The following AFF3 variants were observed in gnomAD, a reference collection of about 807,000 sequenced individuals.
AFF3 encodes the protein AF4/FMR2 family member 3.
In AFF3, 32 loss-of-function variants were observed where a neutral mutation model predicts 129.7. That is an observed-to-expected ratio of 0.25 (90% CI 0.19 to 0.33). The LOEUF is 0.33. Among genes scored for constraint, AFF3 ranks in the 10% least tolerant of loss-of-function variants. The pLI, the probability that AFF3 is intolerant of heterozygous loss-of-function variation, is 1.00. For missense variants in AFF3, 1,373 were observed against 1,592.0 expected (o/e 0.86, Z 2.34); for synonymous variants, 644 against 635.4 (o/e 1.01, Z -0.20).
intron 7 of AFF3, among the ~76,000 whole-genome samples, chr2:99,952,948 T>TACTTACTC (rs1676301051): frequency 6.6e-6 from 1 of 152,212 alleles, no homozygotes; most frequent in South Asian, 2.1e-4. Flanking sequence ...TACAGTGCTG[T>TACTTACTC]ACTTACTCCG....
chr2:99,828,041 A>G (rs1688224648), intron 8 of AFF3, among the ~76,000 whole-genome samples: 1 of 152,108 alleles, frequency 6.6e-6, no homozygotes, highest in African/African-American at 2.4e-5. Context: ...GGCATTCCCA[A>G]TGGGCACCTT....
At chr2:100,127,368 C>T (rs1201259259) in intron 2 of AFF3, among the ~76,000 whole-genome samples, 1 of 152,170 alleles carries the variant, frequency 6.6e-6, no homozygotes, top group African/African-American at 2.4e-5. Flanking sequence ...GGGTGAAGGT[C>T]ATTCCCCTTT....
chr2:99,773,126 T>G (rs1168399257), intron 8 of AFF3, among the ~76,000 whole-genome samples: 2 of 152,188 alleles, frequency 1.3e-5, no homozygotes, highest in Admixed American at 1.3e-4. Flanking sequence ...CTCACACTGT[T>G]CAGGAAACAC....
intron 11 of AFF3, among the ~76,000 whole-genome samples, chr2:99,696,348 T>A (rs2104725442): frequency 6.6e-6 from 1 of 152,342 alleles, no homozygotes; most frequent in Non-Finnish European, 1.5e-5. Context: ...CAGAAATCAT[T>A]GCATCTCAGC....
At chr2:99,837,064 T>C (rs1688935789) in intron 8 of AFF3, among the ~76,000 whole-genome samples, 1 of 152,180 alleles carries the variant, frequency 6.6e-6, no homozygotes, top group Non-Finnish European at 1.5e-5. Flanking sequence ...GAACATTACC[T>C]CTTTGTCAAG....
At position 99,917,687 on chromosome 2, in the gene AFF3, A is replaced by AT. The variant is rs1181035922; in HGVS notation, c.874-80164dup. On this transcript the variant is annotated intron_variant, in intron 7 of 24. Coordinates refer to ENST00000672756, the MANE Select transcript of AFF3 (RefSeq NM_001386135.1). ...TCTATATTAAAAAGGACCCCAAAGTATGAGAATTTATGATATTCTGATAAT... is the reference window on the plus strand; with the variant it reads ...TCTATATTAAAAAGGACCCCAAAGTATTGAGAATTTATGATATTCTGATAAT... 2.0e-5 allele frequency among the ~76,000 whole-genome samples: 3 copies of AT among 152,232 alleles called. No homozygotes were observed. In the East Asian group the frequency reaches 5.8e-4, roughly 29 times the overall value.
intron 7 of AFF3, among the ~76,000 whole-genome samples, chr2:99,857,762 G>T (rs559594010): frequency 1.2e-4 from 19 of 152,202 alleles, no homozygotes; most frequent in Middle Eastern, 3.4e-3. Context: ...AAAGTACTTT[G>T]TGTCTCCATT....
chr2:99,606,020 A>G (rs1029843415), intron 13 of AFF3, among the ~76,000 whole-genome samples: 4 of 152,130 alleles, frequency 2.6e-5, no homozygotes, highest in Non-Finnish European at 4.4e-5. Context: ...GCAAACTGAA[A>G]ATTTTGGTGT....
At position 99,593,458 on chromosome 2, in the gene AFF3, C is replaced by T. The variant is rs1434062146; in HGVS notation, c.2203G>A (p.Ala735Thr). 5 of 1,613,848 alleles carry T rather than the reference C, an allele frequency of 3.1e-6. No individual in the cohort carries two copies. In the South Asian group the frequency reaches 3.3e-5, roughly 11 times the overall value. Reference sequence around the variant, plus strand: ...TAGAACTGCTCCTCCAGCTCCTTGGCGATGTCACTGGTGGTCCTGGCGTTG... The same window carrying T: ...TAGAACTGCTCCTCCAGCTCCTTGGTGATGTCACTGGTGGTCCTGGCGTTG... Reference protein sequence around the residue: ...SINARTTSDIAKELEEQFYTL... With the variant: ...SINARTTSDITKELEEQFYTL... Residue 735 changes from alanine to threonine, a missense_variant, in exon 15 of 25, where the codon GCC becomes ACC. By Grantham distance (58) the Ala-to-Thr change is moderately conservative (BLOSUM62 0). Transcript: ENST00000672756.
intron 13 of AFF3, among the ~76,000 whole-genome samples, chr2:99,606,612 T>G (rs1243928134): frequency 6.6e-6 from 1 of 152,054 alleles, no homozygotes; most frequent in Non-Finnish European, 1.5e-5. Context: ...CTTTTCCAAT[T>G]AAAAAATATT....
intron 11 of AFF3, among the ~76,000 whole-genome samples, chr2:99,722,977 CA>C (rs1176872889): frequency 6.6e-6 from 1 of 152,188 alleles, no homozygotes; most frequent in Non-Finnish European, 1.5e-5. Context: ...GACCCTCTTT[CA>C]AGGATCAAAT....
chr2:99,642,471 A>G (rs1195340323), intron 13 of AFF3, among the ~76,000 whole-genome samples: 1 of 152,224 alleles, frequency 6.6e-6, no homozygotes, highest in East Asian at 1.9e-4. Context: ...CATCTGTTGC[A>G]AGGATGGATA....
At chr2:99,926,864 A>C (rs967661711) in intron 7 of AFF3, among the ~76,000 whole-genome samples, 3 of 152,176 alleles carry the variant, frequency 2.0e-5, no homozygotes, top group Admixed American at 2.0e-4. Context: ...TAAAAAAAAA[A>C]CATAATTTTT....
chr2:99,619,805 C>A (rs1681814927), intron 13 of AFF3, among the ~76,000 whole-genome samples: 1 of 152,190 alleles, frequency 6.6e-6, no homozygotes, highest in African/African-American at 2.4e-5. Context: ...TGCCCTGTGT[C>A]CCTTGCTAAG....
In AFF3 at chr2:100,090,520, G is replaced by T. The variant is rs1352767720; in HGVS notation, c.53+13882C>A. 2.6e-5 allele frequency among the ~76,000 whole-genome samples: 4 copies of T among 152,330 alleles called. No individual in the cohort carries two copies. In the East Asian group the frequency reaches 7.7e-4, roughly 29 times the overall value. ...AGACAATCCATGCACAGTGAAGCCT[G>T]TTTAATTAGAATTCCACTAGTCTAA... On this transcript the variant is annotated intron_variant, in intron 4 of 24. Transcript: ENST00000672756.
intron 1 of AFF3, among the ~76,000 whole-genome samples, chr2:100,131,655 T>C (rs1338010206): frequency 6.6e-6 from 1 of 152,122 alleles, no homozygotes; most frequent in Non-Finnish European, 1.5e-5. Context: ...AGACGGGGTT[T>C]CACCATGTTG....
chr2:99,857,331 AGTTT>A (rs1309119623), intron 7 of AFF3, among the ~76,000 whole-genome samples: 1 of 152,238 alleles, frequency 6.6e-6, no homozygotes, highest in Non-Finnish European at 1.5e-5. Context: ...CAATTGTCAC[AGTTT>A]GTTTATAAGA....
intron 4 of AFF3, among the ~76,000 whole-genome samples, chr2:100,048,817 T>C (rs1217320579): frequency 2.0e-5 from 3 of 152,220 alleles, no homozygotes; most frequent in Non-Finnish European, 4.4e-5. Context: ...AAAATTAACA[T>C]GGGATTTCTT....
At chr2:100,032,462 G>T (rs1413662858) in intron 4 of AFF3, among the ~76,000 whole-genome samples, 2 of 151,840 alleles carry the variant, frequency 1.3e-5, no homozygotes, top group Non-Finnish European at 2.9e-5. Flanking sequence ...GAGAGATTCT[G>T]GGATTCTAGC....
Sources: allele counts gnomAD v4.1 joint callset (sites outside exome capture counted in the v4.1 genomes callset), GRCh38; gene constraint gnomAD v4.1.1; transcripts MANE v1.5; gene names NCBI Gene and HGNC (gene_info 2026-07-23, HGNC 2026-07-21).